The following AEBP2 variants were observed in gnomAD, a reference collection of about 807,000 sequenced individuals.
The protein encoded by AEBP2 is zinc finger protein AEBP2.
In AEBP2, 10 loss-of-function variants were observed where a neutral mutation model predicts 50.8. The observed-to-expected ratio is 0.20, with a 90% CI of 0.12 to 0.33. The LOEUF is 0.33. Among genes scored for constraint, AEBP2 ranks in the 10% least tolerant of loss-of-function variants. The pLI, the probability that AEBP2 is intolerant of heterozygous loss-of-function variation, is 1.00. For missense variants in AEBP2, 570 were observed against 688.0 expected, an observed-to-expected ratio of 0.83 and a Z score of 1.92; for synonymous variants, 296 against 261.3, an observed-to-expected ratio of 1.13 and a Z score of -1.28.
intron 3 of AEBP2, among the ~76,000 whole-genome samples, chr12:19,491,205 AAAATTTT>A (rs1245346986): frequency 6.6e-6 from 1 of 152,204 alleles, no homozygotes; most frequent in East Asian, 1.9e-4. Flanking sequence ...TATGTGTGGT[AAAATTTT>A]AAATTTTAAA....
rs1446443953 is a variant in AEBP2, at chr12:19,439,539, T to C, written c.-161T>C. ...GTCGCGCGCCTGTCCCCGCGCGGGCTCCGTAGCGCGTGTGCAGGCTGACGC... is the reference window on the plus strand; with the variant it reads ...GTCGCGCGCCTGTCCCCGCGCGGGCCCCGTAGCGCGTGTGCAGGCTGACGC... On this transcript the variant is annotated 5_prime_UTR_variant, in exon 1 of 8. Transcript: ENST00000266508. 2 of 947,176 alleles carry C rather than the reference T, an allele frequency of 2.1e-6. No individual in the cohort carries two copies. The highest frequency in any genetic ancestry group is 1.8e-5 in the African/African-American group (1 of 56,372). 58.7% of individuals were successfully genotyped at this position (947,176 alleles called of 1,614,324 possible). A position where few individuals can be genotyped will look rare whatever the true frequency, so the allele number is the denominator to read the frequency against.
chr12:19,439,626 G>A lies in AEBP2; in HGVS notation c.-74G>A. The A allele has an allele frequency of 2.7e-6, 4 of 1,479,850 alleles. No homozygotes were observed. Among genetic ancestry groups the A allele is most frequent in the Non-Finnish European group, 2.7e-6 (3 of 1,118,254 alleles). The allele number at this position is 1,479,850 out of a possible 1,614,324, so 91.7% of individuals were successfully genotyped here. On this transcript the variant is annotated 5_prime_UTR_variant, in exon 1 of 8. Transcript: ENST00000266508. ...GGCGGAGTTTTGGGCGTTTGGGAGGGGGGCGAGGGAGAGAGAGTCGAGAGA... is the reference window on the plus strand; with the variant it reads ...GGCGGAGTTTTGGGCGTTTGGGAGGAGGGCGAGGGAGAGAGAGTCGAGAGA...
chr12:19,480,692 G>T lies in AEBP2; in HGVS notation c.987+7337G>T, dbSNP rs571484513. Among the ~76,000 whole-genome samples, 56 of 152,264 alleles carry T rather than the reference G, an allele frequency of 3.7e-4. No individual in the cohort carries two copies. The South Asian group carries it at 0.012, about 32-fold the overall frequency. Reference sequence around the variant, plus strand: ...ATAGGTTTTTCTTTATAGGTTATCTGATGCTTTTGTCCCACAACTCGTAAT... The same window carrying T: ...ATAGGTTTTTCTTTATAGGTTATCTTATGCTTTTGTCCCACAACTCGTAAT... On this transcript the variant is annotated intron_variant, in intron 3 of 7. Transcript: ENST00000266508.
At chr12:19,415,211 G>A (rs2095741560) in intron 1 of AEBP2, among the ~76,000 whole-genome samples, 1 of 149,160 alleles carries the variant, frequency 6.7e-6, no homozygotes, top group African/African-American at 2.5e-5. Context: ...CTACTTGGGG[G>A]GCTGACGTGG....
At chr12:19,493,388 T>G (rs1028707023) in intron 3 of AEBP2, among the ~76,000 whole-genome samples, 3 of 152,058 alleles carry the variant, frequency 2.0e-5, no homozygotes, top group Non-Finnish European at 4.4e-5. Context: ...GCAATAACAA[T>G]ACGCTGTCTC....
chr12:19,482,149 C>G (rs2120357049), intron 3 of AEBP2, among the ~76,000 whole-genome samples: 1 of 152,232 alleles, frequency 6.6e-6, no homozygotes, highest in South Asian at 2.1e-4. Context: ...TTCCTGAGAG[C>G]TGGACTGCAG....
At chr12:19,421,344 C>CAAAAAAAAAAAAAAAA (rs375160231) in intron 1 of AEBP2, among the ~76,000 whole-genome samples, 16 of 82,434 alleles carry the variant, frequency 1.9e-4, no homozygotes, top group South Asian at 5.2e-4. Flanking sequence ...GACTCTGTCT[C>CAAAAAAAAAAAAAAAA]AAAAAAAAAA....
At chr12:19,418,609 A>G (rs762460682) in intron 1 of AEBP2, among the ~76,000 whole-genome samples, 13 of 152,108 alleles carry the variant, frequency 8.5e-5, no homozygotes, top group Non-Finnish European at 1.6e-4. Context: ...AGTCTGTAAG[A>G]ATCCCCCCAC....
intron 1 of AEBP2, among the ~76,000 whole-genome samples, chr12:19,429,766 T>C (rs1459690598): frequency 2.0e-5 from 3 of 152,206 alleles, no homozygotes; most frequent in Admixed American, 1.3e-4. Context: ...TTTGGCTGCA[T>C]AAATGTCTTC....
intron 3 of AEBP2, among the ~76,000 whole-genome samples, chr12:19,476,879 G>T (rs1360983663): frequency 2.0e-5 from 3 of 152,052 alleles, no homozygotes; most frequent in Admixed American, 6.6e-5. Context: ...TGGGAATTGC[G>T]TTGAATCTGT....
rs1048437292 is a variant in AEBP2, at chr12:19,520,488, T to A, written c.*2371T>A. The A allele has an allele frequency of 6.6e-5, 10 of 152,220 alleles. No homozygotes were observed. Among genetic ancestry groups the A allele is most frequent in the African/African-American group, 1.9e-4 (8 of 41,456 alleles). The allele number at this position is 152,220 out of a possible 1,614,324, so 9.4% of individuals were successfully genotyped here. On this transcript the variant is annotated 3_prime_UTR_variant, in exon 8 of 8. Coordinates refer to ENST00000266508, the MANE Select transcript of AEBP2 (RefSeq NM_153207.5). ...TGAAATGAGCTAGCTTTATAACTTG[T>A]ATGTATACATATATACACATAACAT...
intron 3 of AEBP2, among the ~76,000 whole-genome samples, chr12:19,487,037 A>T (rs1358243580): frequency 6.6e-6 from 1 of 152,138 alleles, no homozygotes; most frequent in African/African-American, 2.4e-5. Context: ...GATGTTGACC[A>T]CATTTTGTGC....
intron 3 of AEBP2, among the ~76,000 whole-genome samples, chr12:19,477,387 A>C (rs754241209): frequency 7.2e-5 from 11 of 152,150 alleles, no homozygotes; most frequent in Non-Finnish European, 8.8e-5. Context: ...TCCAGTTGTC[A>C]CGGGGAATGC....
At chr12:19,420,613 A>G (rs895062821) in intron 1 of AEBP2, among the ~76,000 whole-genome samples, 4 of 152,146 alleles carry the variant, frequency 2.6e-5, no homozygotes, top group Non-Finnish European at 5.9e-5. Flanking sequence ...GGCTTGAGCC[A>G]CTGCGCCCGG....
intron 4 of AEBP2, among the ~76,000 whole-genome samples, chr12:19,495,195 GCTC>G (rs1390008040): frequency 2.0e-5 from 3 of 152,102 alleles, no homozygotes; most frequent in Non-Finnish European, 4.4e-5. Flanking sequence ...GAGCCACTGT[GCTC>G]GAGCAGCTGG....
chr12:19,466,047 G>A (rs1370089623), intron 2 of AEBP2, among the ~76,000 whole-genome samples: 27 of 151,872 alleles, frequency 1.8e-4, no homozygotes, highest in Non-Finnish European at 5.9e-5. Flanking sequence ...AGGAGGACTT[G>A]ATCATCCTCC....
At chr12:19,438,261 G>A (rs996616934), upstream of AEBP2, among the ~76,000 whole-genome samples, 10 of 152,184 alleles carry the variant, frequency 6.6e-5, no homozygotes, top group Non-Finnish European at 1.0e-4. Context: ...GTTGTCAGCT[G>A]ACAGATCATT....
At chr12:19,408,728 C>T (rs1195050214) in intron 1 of AEBP2, among the ~76,000 whole-genome samples, 3 of 151,512 alleles carry the variant, frequency 2.0e-5, no homozygotes, top group South Asian at 2.1e-4. Context: ...GGTGAAACCC[C>T]GTCTCTACTA....
chr12:19,439,070 G>C (rs1361473280), upstream of AEBP2, among the ~76,000 whole-genome samples: 1 of 152,118 alleles, frequency 6.6e-6, no homozygotes, highest in Non-Finnish European at 1.5e-5. Context: ...TCAAACATAG[G>C]GTGTATTAAA....
Sources: allele counts gnomAD v4.1 joint callset (sites outside exome capture counted in the v4.1 genomes callset), GRCh38; gene constraint gnomAD v4.1.1; transcripts MANE v1.5; gene names NCBI Gene and HGNC (gene_info 2026-07-23, HGNC 2026-07-21).